Variants in VAT1L observed in about 807,000 individuals in gnomAD.
VAT1L encodes the protein vesicle amine transport 1 like.
VAT1L carries 34 observed loss-of-function variants against 44.1 expected under a neutral mutation model. The ratio of observed to expected loss-of-function variants is 0.77; its 90% CI spans 0.59 to 1.03. VAT1L has a LOEUF of 1.03. Among genes scored for constraint, VAT1L ranks in the 50% least tolerant of loss-of-function variants. The probability of loss-of-function intolerance (pLI) is 0.00; values close to 1 mark genes in which losing one functional copy is unlikely to be tolerated. For missense variants in VAT1L, 615 were observed against 538.8 expected, an observed-to-expected ratio of 1.14 and a Z score of -1.40; for synonymous variants, 253 against 202.2, an observed-to-expected ratio of 1.25 and a Z score of -2.13.
intron 1 of VAT1L, among the ~76,000 whole-genome samples, chr16:77,797,212 A>G (rs893666981): frequency 1.3e-5 from 2 of 151,926 alleles, no homozygotes; most frequent in Admixed American, 6.6e-5. Context: ...CCCAGGTTCA[A>G]GTGATTTTCC....
intron 7 of VAT1L, among the ~76,000 whole-genome samples, chr16:77,941,929 C>T (rs2017889834): frequency 6.6e-6 from 1 of 152,150 alleles, no homozygotes; most frequent in South Asian, 2.1e-4. Context: ...AATTTACACT[C>T]CTCCCAACAG....
At chr16:77,937,398 C>G (rs970824695) in intron 7 of VAT1L, among the ~76,000 whole-genome samples, 1 of 152,202 alleles carries the variant, frequency 6.6e-6, no homozygotes, top group Non-Finnish European at 1.5e-5. Context: ...GCTCCCAACA[C>G]CCATTCCAGG....
chr16:77,963,590 G>T (rs149157819), intron 7 of VAT1L, among the ~76,000 whole-genome samples: 1 of 151,904 alleles, frequency 6.6e-6, no homozygotes, highest in Non-Finnish European at 1.5e-5. Context: ...ATAGGAAACT[G>T]ATACAAAACC....
At position 77,850,817 on chromosome 16, in the gene VAT1L, GGAAGTGACTCTAATACTCCTGCACTCCTT is replaced by G. The variant is rs112035670; in HGVS notation, c.580-11928_580-11900del. ...GCACTACATGGAAGGCAGCCAGCCT[GGAAGTGACTCTAATACTCCTGCACTCCTT>G]GATTTAGAGCCCTGTGAAGGGGACT... is the stretch of plus-strand genomic sequence containing the variant. On this transcript the variant is annotated intron_variant, in intron 3 of 8. Coordinates refer to ENST00000302536, the MANE Select transcript of VAT1L (RefSeq NM_020927.3). Among the ~76,000 whole-genome samples the G allele has an allele frequency of 1.8e-3, 272 of 152,284 alleles. 2 individuals are homozygous for G. The highest frequency in any genetic ancestry group is 5.3e-3 in the African/African-American group (220 of 41,562).
At chr16:77,943,067 GT>G (rs1283825996) in intron 7 of VAT1L, among the ~76,000 whole-genome samples, 5 of 146,890 alleles carry the variant, frequency 3.4e-5, no homozygotes, top group African/African-American at 7.6e-5. Context: ...TTTTTTGTTT[GT>G]TTTTTTGAGA....
intron 2 of VAT1L, among the ~76,000 whole-genome samples, chr16:77,819,665 G>A (rs898308737): frequency 6.6e-6 from 1 of 152,192 alleles, no homozygotes; most frequent in Non-Finnish European, 1.5e-5. Context: ...TTACAGGCAT[G>A]AGCCACCGCG....
At chr16:77,909,114 C>A (rs563098404) in intron 7 of VAT1L, among the ~76,000 whole-genome samples, 1 of 152,246 alleles carries the variant, frequency 6.6e-6, no homozygotes, top group Non-Finnish European at 1.5e-5. Flanking sequence ...ATTTAATCCT[C>A]ACAATAACCA....
At chr16:77,840,432 T>TAC (rs2016692662) in intron 3 of VAT1L, among the ~76,000 whole-genome samples, 1 of 152,152 alleles carries the variant, frequency 6.6e-6, no homozygotes, top group South Asian at 2.1e-4. Context: ...AGCATAAAGC[T>TAC]AGTAGTTAGA....
chr16:77,977,070 G>A (rs1456011973), intron 8 of VAT1L, among the ~76,000 whole-genome samples: 1 of 152,162 alleles, frequency 6.6e-6, no homozygotes, highest in Non-Finnish European at 1.5e-5. Context: ...GGCACCTCTT[G>A]TGGGCACCTG....
intron 7 of VAT1L, among the ~76,000 whole-genome samples, chr16:77,932,810 G>A (rs1156468922): frequency 1.3e-5 from 2 of 152,092 alleles, no homozygotes; most frequent in Non-Finnish European, 2.9e-5. Context: ...CCTGCCTCCT[G>A]GATTCACAGA....
chr16:77,949,170 G>A lies in VAT1L; in HGVS notation c.1078-22680G>A, dbSNP rs370184871. ...TACTGTAGGGAGATGATGAGACCTC[G>A]AATGATGCAGTGACAGAGTGGAGAC... On this transcript the variant is annotated intron_variant, in intron 7 of 8. Transcript: ENST00000302536. Among the ~76,000 whole-genome samples the A allele has an allele frequency of 3.9e-5, 6 of 152,166 alleles. No homozygotes were observed. The South Asian group carries it at 8.3e-4, about 21-fold the overall frequency.
rs542304770 is a variant in VAT1L, at chr16:77,979,436, G to C, written c.*1741G>C. 1 of 152,254 alleles carries C rather than the reference G, an allele frequency of 6.6e-6. No homozygotes were observed. Among genetic ancestry groups the C allele is most frequent in the South Asian group, 2.1e-4 (1 of 4,820 alleles). The allele number at this position is 152,254 out of a possible 1,614,324, so 9.4% of individuals were successfully genotyped here. On this transcript the variant is annotated 3_prime_UTR_variant, in exon 9 of 9. Coordinates refer to ENST00000302536, the MANE Select transcript of VAT1L (RefSeq NM_020927.3). Reference sequence around the variant, plus strand: ...TTTATTCCCCTATTACCTTTGCTAAGTGCTATATTATTGGCTGTTTCTCCC... The same window carrying C: ...TTTATTCCCCTATTACCTTTGCTAACTGCTATATTATTGGCTGTTTCTCCC...
chr16:77,873,790 A>G (rs1168142488), intron 4 of VAT1L, among the ~76,000 whole-genome samples: 1 of 152,180 alleles, frequency 6.6e-6, no homozygotes, highest in Non-Finnish European at 1.5e-5. Flanking sequence ...GATGAGAAGG[A>G]GCCAGCTCTA....
chr16:77,828,639 GACA>G (rs1481946002), intron 3 of VAT1L, among the ~76,000 whole-genome samples: 1 of 151,742 alleles, frequency 6.6e-6, no homozygotes, highest in Non-Finnish European at 1.5e-5. Context: ...CTCCAGCCTG[GACA>G]ACAAGAGCAA....
At chr16:77,901,209 G>C (rs2017379273) in intron 7 of VAT1L, among the ~76,000 whole-genome samples, 2 of 140,206 alleles carry the variant, frequency 1.4e-5, no homozygotes, top group Non-Finnish European at 3.0e-5. Flanking sequence ...TGTCACCCAG[G>C]CTGGAGTGCA....
intron 7 of VAT1L, among the ~76,000 whole-genome samples, chr16:77,953,325 C>T (rs1156265714): frequency 2.0e-5 from 3 of 152,138 alleles, no homozygotes; most frequent in Non-Finnish European, 2.9e-5. Context: ...CCCTAGGAAA[C>T]TAATATACTA....
At chr16:77,817,268 G>A (rs141509563) in intron 2 of VAT1L, among the ~76,000 whole-genome samples, 2 of 152,252 alleles carry the variant, frequency 1.3e-5, no homozygotes, top group African/African-American at 4.8e-5. Context: ...GCAGGGGGCA[G>A]GACAAATCTT....
rs1006379213 is a variant in VAT1L at position 77,979,654 on chromosome 16, G to A, written c.*1959G>A. ...CATCGCCTTTGTTATGTCCAGAGGA[G>A]AGGCATAAAAAGGCACTCTCCCCCA... On this transcript the variant is annotated 3_prime_UTR_variant, in exon 9 of 9. Transcript: ENST00000302536. 6.6e-6 allele frequency: 1 copy of A among 152,160 alleles called. No individual in the cohort carries two copies. Among genetic ancestry groups the A allele is most frequent in the African/African-American group, 2.4e-5 (1 of 41,440 alleles). 9.4% of individuals were successfully genotyped at this position (152,160 alleles called of 1,614,324 possible). A position where few individuals can be genotyped will look rare whatever the true frequency, so the allele number is the denominator to read the frequency against.
Position 77,899,451 on chromosome 16 carries a change from A to T in VAT1L, c.1077+14649A>T, listed in dbSNP as rs1289153849. On this transcript the variant is annotated intron_variant, in intron 7 of 8. Coordinates refer to ENST00000302536, the MANE Select transcript of VAT1L (RefSeq NM_020927.3). ...GACACTGCATCTCAAACCTTTCTGCATCTGTAACCCTTGCTCTTCCTGCCT... is the reference window on the plus strand; with the variant it reads ...GACACTGCATCTCAAACCTTTCTGCTTCTGTAACCCTTGCTCTTCCTGCCT... 2.0e-5 allele frequency among the ~76,000 whole-genome samples: 3 copies of T among 152,220 alleles called. No individual in the cohort carries two copies. In the East Asian group the frequency reaches 5.8e-4, roughly 29 times the overall value.
Sources: gnomAD v4.1 joint callset for allele counts (sites outside exome capture counted in the v4.1 genomes callset) on GRCh38, gnomAD v4.1.1 for gene constraint, MANE v1.5 for transcripts, NCBI Gene and HGNC (gene_info 2026-07-23, HGNC 2026-07-21) for gene names.